The following HMCN2 variants were observed in gnomAD, a reference collection of about 807,000 sequenced individuals.
HMCN2 encodes the protein hemicentin-2.
In HMCN2, 325 loss-of-function variants were observed where a neutral mutation model predicts 377.5. The ratio of observed to expected loss-of-function variants is 0.86; its 90% confidence interval spans 0.79 to 0.94. The LOEUF (loss-of-function observed/expected upper bound fraction) is 0.94, where lower values mean the gene tolerates loss of function less well. HMCN2 is among the 40% of genes least tolerant of loss of function. HMCN2 has a pLI of 0.00. For synonymous variants in HMCN2, 2,007 were observed against 2,046.8 expected, an observed-to-expected ratio of 0.98 and a Z score of 0.53; for missense variants, 4,543 against 4,725.3, an observed-to-expected ratio of 0.96 and a Z score of 1.13.
chr9:130,273,071 A>G (rs1834489530), intron 1 of HMCN2, among the ~76,000 whole-genome samples: 2 of 152,022 alleles, frequency 1.3e-5, no homozygotes, highest in African/African-American at 4.8e-5. Flanking sequence ...TGTTCTGTTC[A>G]CATTTATTTC....
At chr9:130,333,204 C>T (rs1485739823) in intron 22 of HMCN2, among the ~76,000 whole-genome samples, 1 of 152,228 alleles carries the variant, frequency 6.6e-6, no homozygotes, top group African/African-American at 2.4e-5. Flanking sequence ...GGCTCCTTCC[C>T]TCACGGAGCC....
Position 130,433,443 on chromosome 9 carries a change from A to C in HMCN2, c.14990A>C (p.His4997Pro). 4.0e-6 allele frequency: 6 copies of C among 1,497,092 alleles called. No homozygotes were observed. The highest frequency in any genetic ancestry group is 1.5e-5 in the African/African-American group (1 of 68,732). The allele number at this position is 1,497,092 out of a possible 1,614,324, so 92.7% of individuals were successfully genotyped here. ...CCGCTGCCCCTGGGCGTGCGCGCCC[A>C]CCACGACGTGGCCCGCCTCACCGCC... is the stretch of plus-strand genomic sequence containing the variant. ...LLPLPLGVRA[H>P]HDVARLTAFS... is the part of the protein sequence containing the mutation. The change falls in exon 98 of 98, where the codon CAC (histidine) becomes CCC (proline). Residue 4997 changes from histidine to proline, a missense_variant. Physicochemically the swap from His to Pro is moderately conservative, Grantham distance 77. Coordinates refer to ENST00000683500, the MANE Select transcript of HMCN2 (RefSeq NM_001291815.2).
chr9:130,338,995 C>T (rs1838906617), intron 23 of HMCN2, among the ~76,000 whole-genome samples: 1 of 152,110 alleles, frequency 6.6e-6, no homozygotes, highest in Non-Finnish European at 1.5e-5. Context: ...TCGAGACCAG[C>T]CTGGGCAGCA....
At chr9:130,400,592 A>G (rs574226735) in intron 76 of HMCN2, 191 bp from the exon 77 acceptor site, 445 of 236,444 alleles carry the variant, frequency 1.9e-3, no homozygotes, top group African/African-American at 0.01. Context: ...TTTTTTAAAG[A>G]AAAAAAACTA....
intron 97 of HMCN2, 64 bp downstream of exon 97, chr9:130,432,619 T>G: frequency 6.7e-7 from 1 of 1,502,888 alleles, no homozygotes; most frequent in East Asian, 2.5e-5. Context: ...TCACTGGGGG[T>G]GCAGGCTGGC....
Position 130,364,794 on chromosome 9 carries a change from G to A in HMCN2, c.6313G>A (p.Ala2105Thr), listed in dbSNP as rs1840602046. The A allele has an allele frequency of 2.0e-6, 2 of 985,790 alleles. No individual in the cohort carries two copies. Among genetic ancestry groups the A allele is most frequent in the African/African-American group, 1.7e-5 (1 of 57,228 alleles). 61.1% of individuals were successfully genotyped at this position (985,790 alleles called of 1,614,324 possible). ...ESVALECQSH[A>T]MPPPVLSWWK... The stretch of plus-strand genomic sequence containing the variant: ...AGTGGCCCTGGAGTGCCAGAGCCAC[G>A]CCATGCCCCCTCCTGTGCTGAGCTG... The change falls in exon 41 of 98, where the codon GCC becomes ACC. Residue 2105 changes from alanine (A) to threonine (T), a missense_variant. Transcript: ENST00000683500.
chr9:130,311,405 C>T (rs1484359958), intron 15 of HMCN2, among the ~76,000 whole-genome samples: 5 of 152,226 alleles, frequency 3.3e-5, no homozygotes, highest in South Asian at 4.1e-4. Flanking sequence ...TCACTTGTTC[C>T]GTCTTTCATT....
At chr9:130,388,970 T>C (rs1842158981) in intron 62 of HMCN2, among the ~76,000 whole-genome samples, 1 of 152,144 alleles carries the variant, frequency 6.6e-6, no homozygotes, top group Admixed American at 6.5e-5. Context: ...GGCCTCCCCA[T>C]TCTGGCCGCT....
intron 85 of HMCN2, among the ~76,000 whole-genome samples, chr9:130,413,493 A>T (rs1316662770): frequency 6.6e-6 from 1 of 152,214 alleles, no homozygotes; most frequent in Non-Finnish European, 1.5e-5. Context: ...AAGATGGTAT[A>T]GATGCACTTC....
chr9:130,425,223 C>T (rs1844259046), intron 89 of HMCN2, 93 bp downstream of exon 89: 7 of 1,375,806 alleles, frequency 5.1e-6, no homozygotes, highest in Middle Eastern at 2.1e-4. Context: ...CAGGCCCACT[C>T]TCCCTTCTGA....
At chr9:130,319,123 TCACC>T (rs1227519776) in intron 15 of HMCN2, among the ~76,000 whole-genome samples, 5 of 152,102 alleles carry the variant, frequency 3.3e-5, no homozygotes, top group Non-Finnish European at 7.4e-5. Context: ...AAATGAAGGC[TCACC>T]CTCAGCTCCT....
intron 4 of HMCN2, among the ~76,000 whole-genome samples, chr9:130,292,349 C>T (rs1282331276): frequency 6.6e-6 from 1 of 152,180 alleles, no homozygotes; most frequent in African/African-American, 2.4e-5. Flanking sequence ...CCACTGAGGA[C>T]TCTTGCCTGA....
In HMCN2 at chr9:130,275,573, C is replaced by T. The variant is rs543362521; in HGVS notation, c.260-9030C>T. Among the ~76,000 whole-genome samples, 6 of 152,286 alleles carry T rather than the reference C, an allele frequency of 3.9e-5. No individual in the cohort carries two copies. The East Asian group carries it at 1.2e-3, about 29-fold the overall frequency. ...CAAGCGATTCTCCTGCCTCAGCCTC[C>T]TGAGTAGCTGGGATTACAGGTGCCT... On this transcript the variant is annotated intron_variant, in intron 1 of 97. Transcript: ENST00000683500.
rs1378403419 is a variant in HMCN2 at position 130,423,770 on chromosome 9, A to G, written c.13382-1006A>G. Reference sequence around the variant, plus strand: ...GAAGAAGATCTGAGAATCCACGTCCAGGGCCATTTTTTGGTTCTTTTTTCA... The same window carrying G: ...GAAGAAGATCTGAGAATCCACGTCCGGGGCCATTTTTTGGTTCTTTTTTCA... On this transcript the variant is annotated intron_variant, in intron 87 of 97. Transcript: ENST00000683500. This position sits in a 1 kb window ranked among gnomAD's most constrained non-coding sequence, Gnocchi z 5.5. 1.3e-5 allele frequency among the ~76,000 whole-genome samples: 2 copies of G among 152,214 alleles called. No homozygotes were observed. The highest frequency in any genetic ancestry group is 2.9e-5 in the Non-Finnish European group (2 of 68,030).
intron 48 of HMCN2, among the ~76,000 whole-genome samples, chr9:130,373,664 G>A (rs1283468925): frequency 1.3e-5 from 2 of 150,792 alleles, no homozygotes; most frequent in African/African-American, 2.4e-5. Context: ...TAGGTAGGTG[G>A]GTGGATGGAT....
rs1173050788 is a variant in HMCN2, at chr9:130,306,189, A to G, written c.1877A>G (p.Lys626Arg). The stretch of plus-strand genomic sequence containing the variant: ...CACTTCTCCCAAGGTGTGGAGGTGA[A>G]GGTCAGCTGCTCAGCCTCTGGATAC... ...SQHFSQGVEV[K>R]VSCSASGYPT... The change falls in exon 12 of 98, where the codon AAG becomes AGG. Residue 626 changes from lysine (K) to arginine (R), a missense_variant. By Grantham distance (26) the Lys-to-Arg change is conservative (BLOSUM62 2). This residue lies in a region of HMCN2 where 547 missense variants were observed against 189.9 expected (regional missense o/e 2.88). Transcript: ENST00000683500. The G allele has an allele frequency of 6.4e-6, 3 of 470,974 alleles. No homozygotes were observed. The highest frequency in any genetic ancestry group is 2.0e-5 in the African/African-American group (1 of 50,034). The allele number at this position is 470,974 out of a possible 1,614,324, so 29.2% of individuals were successfully genotyped here.
At chr9:130,379,218 G>A in intron 53 of HMCN2, 31 bp from the exon 54 acceptor site, 4 of 895,024 alleles carry the variant, frequency 4.5e-6, no homozygotes, top group Non-Finnish European at 5.4e-6. Context: ...CCTCTGCTGT[G>A]CTTCCTAAGG....
At chr9:130,292,281 T>A (rs782320663) in intron 4 of HMCN2, among the ~76,000 whole-genome samples, 4 of 152,232 alleles carry the variant, frequency 2.6e-5, no homozygotes, top group African/African-American at 4.8e-5. Context: ...GTGGGTAATG[T>A]TCTCGCTCTG....
intron 15 of HMCN2, among the ~76,000 whole-genome samples, chr9:130,312,236 C>T (rs1279670784): frequency 5.9e-5 from 9 of 152,006 alleles, no homozygotes; most frequent in Admixed American, 1.3e-4. Context: ...GTGGGCCTGG[C>T]GCTGCTTACG....
Sources: gnomAD v4.1 joint callset for allele counts (sites outside exome capture counted in the v4.1 genomes callset) on GRCh38, gnomAD v4.1.1 for gene constraint, gnomAD v4.1.1 regional missense constraint, Gnocchi (gnomAD v3.1) non-coding constraint, MANE v1.5 for transcripts, NCBI Gene and HGNC (gene_info 2026-07-23, HGNC 2026-07-21) for gene names.